Variants in CAMTA1 observed in about 807,000 individuals in gnomAD.
CAMTA1 encodes calmodulin-binding transcription activator 1.
In CAMTA1, 27 loss-of-function variants were observed where a neutral mutation model predicts 170.9. The ratio of observed to expected loss-of-function variants is 0.16; its 90% confidence interval spans 0.12 to 0.22. The LOEUF is 0.22. CAMTA1 is among the 10% of genes least tolerant of loss of function. The pLI, the probability that CAMTA1 is intolerant of heterozygous loss-of-function variation, is 1.00. For missense variants in CAMTA1, 1,619 were observed against 2,217.2 expected (o/e 0.73, Z 5.42); for synonymous variants, 833 against 891.5 (o/e 0.93, Z 1.17).
chr1:7,309,057 A>C (rs894820603), intron 5 of CAMTA1, among the ~76,000 whole-genome samples: 1 of 152,168 alleles, frequency 6.6e-6, no homozygotes, highest in African/African-American at 2.4e-5. Flanking sequence ...GTCTCTTTTT[A>C]TCATGGTAAT....
chr1:7,503,527 C>A (rs2094045879), intron 6 of CAMTA1, among the ~76,000 whole-genome samples: 1 of 152,210 alleles, frequency 6.6e-6, no homozygotes, highest in South Asian at 2.1e-4. Flanking sequence ...TGCCCTCCCC[C>A]ACCATTTCCA....
chr1:7,454,532 G>A lies in CAMTA1; in HGVS notation c.439-13298G>A, dbSNP rs191443770. Among the ~76,000 whole-genome samples, 224 of 152,302 alleles carry A rather than the reference G, an allele frequency of 1.5e-3. 2 individuals carry two copies. Among genetic ancestry groups the A allele is most frequent in the African/African-American group, 5.1e-3 (213 of 41,576 alleles). On this transcript the variant is annotated intron_variant, in intron 5 of 22. Transcript: ENST00000303635. ...CAGTGCTGCTAAGATGTGCAGGCGA[G>A]TTTCAAACCCAAGTCTGGCTTAGTG...
At chr1:6,961,452 C>A (rs1024581276) in intron 3 of CAMTA1, among the ~76,000 whole-genome samples, 1 of 152,170 alleles carries the variant, frequency 6.6e-6, no homozygotes, top group South Asian at 2.1e-4. Flanking sequence ...GGTGCTGGGC[C>A]GGCAAGAAGG....
chr1:7,217,274 C>T (rs1285924874), intron 4 of CAMTA1, among the ~76,000 whole-genome samples: 1 of 152,222 alleles, frequency 6.6e-6, no homozygotes, highest in Non-Finnish European at 1.5e-5. Context: ...GTGTTTGCAT[C>T]CTCTTCTGCC....
At chr1:7,650,899 C>T (rs1265543284) in intron 7 of CAMTA1, among the ~76,000 whole-genome samples, 1 of 152,202 alleles carries the variant, frequency 6.6e-6, no homozygotes, top group Admixed American at 6.5e-5. Context: ...AACAAGAATA[C>T]AGTGAAAATT....
chr1:7,380,640 C>T (rs2087223255), intron 5 of CAMTA1, among the ~76,000 whole-genome samples: 1 of 152,222 alleles, frequency 6.6e-6, no homozygotes, highest in African/African-American at 2.4e-5. Context: ...GCCACTCTTC[C>T]TCTTTAGGGC....
At chr1:6,786,618 A>G (rs1379463881) in intron 1 of CAMTA1, among the ~76,000 whole-genome samples, 2 of 152,196 alleles carry the variant, frequency 1.3e-5, no homozygotes. Context: ...CACTTCTTCC[A>G]GATCATGCAT....
chr1:7,401,749 T>C (rs1345041164), intron 5 of CAMTA1, among the ~76,000 whole-genome samples: 4 of 152,246 alleles, frequency 2.6e-5, no homozygotes, highest in Non-Finnish European at 5.9e-5. Flanking sequence ...TCATAAATGA[T>C]ACTGTTTTTT....
At position 7,007,280 on chromosome 1, in the gene CAMTA1, AATC is replaced by A. The variant is rs1485445297; in HGVS notation, c.235-84019_235-84017del. Among the ~76,000 whole-genome samples the A allele has an allele frequency of 1.3e-5, 2 of 152,134 alleles. No individual in the cohort carries two copies. The highest frequency in any genetic ancestry group is 2.9e-5 in the Non-Finnish European group (2 of 68,030). On this transcript the variant is annotated intron_variant, in intron 3 of 22. Transcript: ENST00000303635. The surrounding 1 kb of genome is among the most constrained non-coding windows in gnomAD (Gnocchi z 4.5). ...GCTTGGAGCGTGGAAGCACACATAT[AATC>A]ATCACTTAACTAAAGCTGAGGCCAG...
In CAMTA1 at chr1:7,044,502, A is replaced by G. The variant is rs1366737853; in HGVS notation, c.235-46802A>G. On this transcript the variant is annotated intron_variant, in intron 3 of 22. Transcript: ENST00000303635. The surrounding 1 kb of genome is among the most constrained non-coding windows in gnomAD (Gnocchi z 5.0). Reference sequence around the variant, plus strand: ...GCATGTAACCGATGGCACAAACACCAGGCCTTCAGCAGGGCCATAAGCATC... The same window carrying G: ...GCATGTAACCGATGGCACAAACACCGGGCCTTCAGCAGGGCCATAAGCATC... Among the ~76,000 whole-genome samples the G allele has an allele frequency of 3.9e-5, 6 of 152,194 alleles. No individual in the cohort carries two copies. The highest frequency in any genetic ancestry group is 8.8e-5 in the Non-Finnish European group (6 of 68,026).
At chr1:7,644,142 G>T (rs1156572091) in intron 7 of CAMTA1, among the ~76,000 whole-genome samples, 2 of 152,172 alleles carry the variant, frequency 1.3e-5, no homozygotes, top group Non-Finnish European at 2.9e-5. Context: ...AGATGGGTCT[G>T]CAGCCTTCAC....
Position 7,664,255 on chromosome 1 carries a change from C to T in CAMTA1, c.1708C>T (p.Pro570Ser), listed in dbSNP as rs774524550. The stretch of plus-strand genomic sequence containing the variant: ...CCTGACCGCCGGCTCCAGCCTCCTG[C>T]CGTCGGGCGGCGGCCTGAGTCCCAG... ...LTLTAGSSLL[P>S]SGGGLSPSTT... Residue 570 changes from proline (P) to serine (S), a missense_variant, in exon 9 of 23, where the codon CCG (proline) becomes TCG (serine). Coordinates refer to ENST00000303635, the MANE Select transcript of CAMTA1 (RefSeq NM_015215.4). 5.6e-6 allele frequency: 9 copies of T among 1,612,504 alleles called. No individual in the cohort carries two copies. The highest frequency in any genetic ancestry group is 1.6e-4 in the Middle Eastern group (1 of 6,084).
At chr1:7,529,821 A>G (rs754400249) in intron 6 of CAMTA1, among the ~76,000 whole-genome samples, 1 of 152,212 alleles carries the variant, frequency 6.6e-6, no homozygotes, top group South Asian at 2.1e-4. Flanking sequence ...CCCATCACAT[A>G]GTAGGTGTTT....
In CAMTA1 at chr1:7,640,689, G is replaced by A. The variant is rs778224783; in HGVS notation, c.664+136G>A. The A allele has an allele frequency of 8.2e-5, 83 of 1,017,628 alleles. No individual in the cohort carries two copies. In the Admixed American group the frequency reaches 1.3e-3, roughly 16 times the overall value. The allele number at this position is 1,017,628 out of a possible 1,614,324, so 63.0% of individuals were successfully genotyped here. On this transcript the variant is annotated intron_variant, in intron 7 of 22. Coordinates refer to ENST00000303635, the MANE Select transcript of CAMTA1 (RefSeq NM_015215.4). ...ATCTTGCTGGAATGACAGTGGCACCGTGAGCTTAGCTTTTGCCCCACCTTC... is the reference window on the plus strand; with the variant it reads ...ATCTTGCTGGAATGACAGTGGCACCATGAGCTTAGCTTTTGCCCCACCTTC...
intron 4 of CAMTA1, among the ~76,000 whole-genome samples, chr1:7,171,679 G>A (rs571378302): frequency 6.6e-6 from 1 of 152,264 alleles, no homozygotes; most frequent in East Asian, 1.9e-4. Flanking sequence ...GCACGTCCAC[G>A]ATGTTGCGCA....
At chr1:7,023,299 C>T (rs529981846) in intron 3 of CAMTA1, among the ~76,000 whole-genome samples, 28 of 152,298 alleles carry the variant, frequency 1.8e-4, no homozygotes, top group Non-Finnish European at 2.2e-4. Flanking sequence ...CAGATGTAAG[C>T]GTAAAACTTG....
chr1:7,515,848 C>T (rs1000541129), intron 6 of CAMTA1, among the ~76,000 whole-genome samples: 4 of 152,208 alleles, frequency 2.6e-5, no homozygotes, highest in Non-Finnish European at 5.9e-5. Flanking sequence ...CGCAGCAGGT[C>T]GTGGGACATG....
intron 6 of CAMTA1, among the ~76,000 whole-genome samples, chr1:7,638,510 C>T (rs1329652625): frequency 6.6e-6 from 1 of 151,972 alleles, no homozygotes; most frequent in South Asian, 2.1e-4. Flanking sequence ...GCTGTGGTGG[C>T]GTGCACGTGT....
At chr1:7,711,014 G>A (rs941321524) in intron 11 of CAMTA1, among the ~76,000 whole-genome samples, 2 of 152,098 alleles carry the variant, frequency 1.3e-5, no homozygotes, top group East Asian at 1.9e-4. Context: ...CACCTAAACC[G>A]GGTGCAGTTC....
Sources: allele counts gnomAD v4.1 joint callset (sites outside exome capture counted in the v4.1 genomes callset), GRCh38; gene constraint gnomAD v4.1.1; non-coding constraint Gnocchi (gnomAD v3.1); transcripts MANE v1.5; gene names NCBI Gene and HGNC (gene_info 2026-07-23, HGNC 2026-07-21).